MGAT4C: variants seen among roughly 807,000 people sequenced by gnomAD.
The protein encoded by MGAT4C is alpha-1,3-mannosyl-glycoprotein 4-beta-N-acetylglucosaminyltransferase C.
Under a neutral mutation model 40.1 loss-of-function variants are expected in MGAT4C, and 19 were observed. The observed-to-expected ratio is 0.47, with a 90% CI of 0.33 to 0.70. MGAT4C has a LOEUF of 0.70. Among genes scored for constraint, MGAT4C ranks in the 30% least tolerant of loss-of-function variants. MGAT4C has a pLI of 0.02. For synonymous variants in MGAT4C, 181 were observed against 187.1 expected, an observed-to-expected ratio of 0.97 and a Z score of 0.27; for missense variants, 491 against 563.2, an observed-to-expected ratio of 0.87 and a Z score of 1.30.
chr12:86,746,603 A>G (rs924373096), intron 1 of MGAT4C, among the ~76,000 whole-genome samples: 2 of 151,698 alleles, frequency 1.3e-5, no homozygotes, highest in African/African-American at 4.8e-5. Context: ...TAAACTTCAA[A>G]TACAGTGAAT....
chr12:86,312,892 T>C (rs17288408), intron 4 of MGAT4C, among the ~76,000 whole-genome samples: 1 of 152,102 alleles, frequency 6.6e-6, no homozygotes, highest in Non-Finnish European at 1.5e-5. Context: ...GCTTAATTTA[T>C]GGCTTTTGGA....
rs34098097 is a variant in MGAT4C, at chr12:86,184,738, T to TAA, written c.-57+71499_-57+71500dup. 5.1e-3 allele frequency among the ~76,000 whole-genome samples: 444 copies of TAA among 86,874 alleles called. 7 individuals are homozygous for TAA. Among genetic ancestry groups the TAA allele is most frequent in the Middle Eastern group, 0.016 (3 of 182 alleles). The allele number at this position is 86,874 out of a possible 152,430, so 57.0% of individuals were successfully genotyped here. On this transcript the variant is annotated intron_variant, in intron 1 of 4. Coordinates refer to ENST00000611864, the MANE Select transcript of MGAT4C (RefSeq NM_001351288.2). ...CCTGCCTTATTTCTTTTTCTCCTGT[T>TAA]AAAAAAAAAAAAAAAAAAAAAAAAA...
rs552474641 is a variant in MGAT4C, at chr12:86,392,202, TG to T, written c.-120+42954del. ...ATTAGGTAATGTCGGCCAGATGCAG[TG>T]GCTCAGTCCTGTAATCCCAGCACTT... On this transcript the variant is annotated intron_variant, in intron 3 of 7. Coordinates refer to the MGAT4C transcript ENST00000548651. Among the ~76,000 whole-genome samples the T allele has an allele frequency of 1.6e-4, 25 of 152,272 alleles. No homozygotes were observed. In the South Asian group the frequency reaches 5.2e-3, roughly 32 times the overall value.
chr12:86,667,730 A>G (rs1426157508), intron 2 of MGAT4C, among the ~76,000 whole-genome samples: 2 of 152,214 alleles, frequency 1.3e-5, no homozygotes, highest in African/African-American at 4.8e-5. Context: ...GATCCAAAAT[A>G]TGATTTTCTT....
At chr12:86,085,300 T>C (rs971912324) in intron 1 of MGAT4C, among the ~76,000 whole-genome samples, 1 of 152,108 alleles carries the variant, frequency 6.6e-6, no homozygotes, top group Admixed American at 6.6e-5. Context: ...CTGAACAGTA[T>C]TGCCTAGATT....
intron 4 of MGAT4C, among the ~76,000 whole-genome samples, chr12:86,291,592 G>A (rs911921743): frequency 6.6e-6 from 1 of 152,038 alleles, no homozygotes; most frequent in African/African-American, 2.4e-5. Flanking sequence ...TTCCAAATGC[G>A]GGTTGTTATT....
At chr12:86,494,231 T>C (rs932297899) in intron 2 of MGAT4C, among the ~76,000 whole-genome samples, 19 of 152,054 alleles carry the variant, frequency 1.2e-4, no homozygotes, top group African/African-American at 4.6e-4. Flanking sequence ...AGTTGTAATT[T>C]TGATGAAGTG....
At chr12:86,117,618 T>A (rs1308433677) in intron 1 of MGAT4C, among the ~76,000 whole-genome samples, 1 of 152,106 alleles carries the variant, frequency 6.6e-6, no homozygotes, top group African/African-American at 2.4e-5. Context: ...CTCAAGGGCA[T>A]AAATAAAACT....
chr12:86,806,857 G>T (rs1030769133), intron 1 of MGAT4C, among the ~76,000 whole-genome samples: 7 of 151,870 alleles, frequency 4.6e-5, no homozygotes, highest in African/African-American at 1.7e-4. Context: ...GGCCTGTTGT[G>T]GGGTGGGGGT....
intron 4 of MGAT4C, among the ~76,000 whole-genome samples, chr12:86,324,470 A>T (rs1954475595): frequency 6.6e-6 from 1 of 151,740 alleles, no homozygotes; most frequent in African/African-American, 2.4e-5. Flanking sequence ...TATATTTATT[A>T]TTGCTTTTAA....
rs1884254050 is a variant in MGAT4C at position 85,979,279 on chromosome 12, A to T, written c.*10T>A. On this transcript the variant is annotated 3_prime_UTR_variant, in exon 5 of 5. Transcript: ENST00000611864. Reference sequence around the variant, plus strand: ...ACTGCTTCAGAAACTGAACATACTGATTTAATTGGCTAAGAAGTCCAAATG... The same window carrying T: ...ACTGCTTCAGAAACTGAACATACTGTTTTAATTGGCTAAGAAGTCCAAATG... 1 of 1,569,848 alleles carries T rather than the reference A, an allele frequency of 6.4e-7. No homozygotes were observed. Among genetic ancestry groups the T allele is most frequent in the Non-Finnish European group, 8.6e-7 (1 of 1,157,720 alleles).
rs760188889 is a variant in MGAT4C at position 85,979,978 on chromosome 12, C to T, written c.748G>A (p.Val250Ile). 6.2e-7 allele frequency: 1 copy of T among 1,613,724 alleles called. No individual in the cohort carries two copies. The highest frequency in any genetic ancestry group is 1.7e-5 in the Admixed American group (1 of 59,936). The part of the protein sequence containing the change: ...VIASLEGTYW[V>I]TLEFSKLGYI... Reference sequence around the variant, plus strand: ...CCAAGCTTAGAGAATTCAAGAGTTACCCAGTAAGTTCCTTCTAGGGATGCA... The same window carrying T: ...CCAAGCTTAGAGAATTCAAGAGTTATCCAGTAAGTTCCTTCTAGGGATGCA... The change falls in exon 5 of 5, where the codon GTA becomes ATA. Residue 250 changes from valine to isoleucine, a missense_variant. By Grantham distance (29) the Val-to-Ile change is conservative. Coordinates refer to ENST00000611864, the MANE Select transcript of MGAT4C (RefSeq NM_001351288.2).
intron 1 of MGAT4C, among the ~76,000 whole-genome samples, chr12:86,128,080 A>G (rs1240416819): frequency 6.6e-6 from 1 of 152,204 alleles, no homozygotes; most frequent in African/African-American, 2.4e-5. Context: ...CAGGCAGTGC[A>G]ATATATTTGT....
intron 1 of MGAT4C, among the ~76,000 whole-genome samples, chr12:86,204,930 T>C (rs555329101): frequency 6.6e-6 from 1 of 152,198 alleles, no homozygotes; most frequent in South Asian, 2.1e-4. Flanking sequence ...TTTTTAAAAA[T>C]AGTTGTTACA....
At chr12:86,461,231 ATCT>A (rs1448798411) in intron 2 of MGAT4C, among the ~76,000 whole-genome samples, 7 of 149,014 alleles carry the variant, frequency 4.7e-5, no homozygotes, top group South Asian at 2.1e-4. Context: ...AAATTTACAC[ATCT>A]TCTTTTTTTT....
chr12:86,049,770 T>A (rs1892726853), intron 1 of MGAT4C, 47 bp from the exon 2 acceptor site: 1 of 748,622 alleles, frequency 1.3e-6, no homozygotes, highest in South Asian at 6.0e-5. Flanking sequence ...CACTGGTTTC[T>A]TGCTGATAAA....
intron 2 of MGAT4C, among the ~76,000 whole-genome samples, chr12:86,594,578 A>G (rs1961459766): frequency 6.6e-6 from 1 of 152,236 alleles, no homozygotes; most frequent in Admixed American, 6.5e-5. Flanking sequence ...GAAGAACAGT[A>G]CATTCCCATT....
intron 1 of MGAT4C, among the ~76,000 whole-genome samples, chr12:86,187,662 C>T (rs183827641): frequency 5.3e-5 from 8 of 151,374 alleles, no homozygotes; most frequent in East Asian, 1.9e-4. Flanking sequence ...GGGCCTATAA[C>T]GGGCAAATAA....
chr12:86,687,967 T>C (rs2136591781), intron 2 of MGAT4C, among the ~76,000 whole-genome samples: 1 of 152,240 alleles, frequency 6.6e-6, no homozygotes, highest in East Asian at 1.9e-4. Context: ...TGTGGGAGTT[T>C]ACGTCTGTTT....
Sources: gnomAD v4.1 joint callset for allele counts (sites outside exome capture counted in the v4.1 genomes callset) on GRCh38, gnomAD v4.1.1 for gene constraint, MANE v1.5 for transcripts, NCBI Gene and HGNC (gene_info 2026-07-23, HGNC 2026-07-21) for gene names.